The following FAF1 variants were observed in gnomAD, a reference collection of about 807,000 sequenced individuals.
FAF1 encodes FAS-associated factor 1.
A neutral mutation model predicts 92.5 loss-of-function variants in FAF1; 25 were observed. The ratio of observed to expected loss-of-function variants is 0.27; its 90% confidence interval spans 0.20 to 0.38. The LOEUF (loss-of-function observed/expected upper bound fraction) is 0.38, where lower values mean the gene tolerates loss of function less well. FAF1 is among the 10% of genes least tolerant of loss of function. The pLI is 1.00. For missense variants in FAF1, 636 were observed against 793.3 expected (o/e 0.80, Z 2.38); for synonymous variants, 234 against 273.2 (o/e 0.86, Z 1.42).
intron 13 of FAF1, among the ~76,000 whole-genome samples, chr1:50,540,836 G>A (rs112195677): frequency 2.0e-5 from 3 of 152,084 alleles, no homozygotes; most frequent in Non-Finnish European, 4.4e-5. Flanking sequence ...AATAACACAG[G>A]TCACAAAAGG....
At chr1:50,603,446 G>A (rs1008168920) in intron 8 of FAF1, among the ~76,000 whole-genome samples, 1 of 152,156 alleles carries the variant, frequency 6.6e-6, no homozygotes, top group Non-Finnish European at 1.5e-5. Flanking sequence ...ATAGTAAGGA[G>A]TCCTGAAGAT....
At chr1:50,573,185 G>A (rs1219580001) in intron 12 of FAF1, among the ~76,000 whole-genome samples, 3 of 150,860 alleles carry the variant, frequency 2.0e-5, no homozygotes, top group African/African-American at 7.3e-5. Context: ...TGCAAACTCC[G>A]CCTCCTGGGT....
At chr1:50,763,535 C>G (rs1285623069) in intron 4 of FAF1, among the ~76,000 whole-genome samples, 3 of 152,116 alleles carry the variant, frequency 2.0e-5, no homozygotes, top group Non-Finnish European at 2.9e-5. Flanking sequence ...GGGCTCTAAT[C>G]AGACATACAT....
chr1:50,939,111 G>T (rs764828256), intron 1 of FAF1, among the ~76,000 whole-genome samples: 2 of 152,142 alleles, frequency 1.3e-5, no homozygotes, highest in African/African-American at 2.4e-5. Flanking sequence ...AAATAATCTT[G>T]GTAGTTTGAT....
chr1:50,687,259 G>A (rs964626051), intron 7 of FAF1, among the ~76,000 whole-genome samples: 5 of 147,734 alleles, frequency 3.4e-5, no homozygotes, highest in Admixed American at 7.0e-5. Context: ...TTCATATTTA[G>A]TTTCCTTTTT....
At chr1:50,532,843 A>T (rs1045088057) in intron 15 of FAF1, among the ~76,000 whole-genome samples, 2 of 152,092 alleles carry the variant, frequency 1.3e-5, no homozygotes, top group African/African-American at 2.4e-5. Flanking sequence ...ACAGGGTCTC[A>T]CTCTGTCACC....
At chr1:50,689,924 C>T (rs1656843561) in intron 7 of FAF1, among the ~76,000 whole-genome samples, 1 of 151,620 alleles carries the variant, frequency 6.6e-6, no homozygotes, top group Non-Finnish European at 1.5e-5. Flanking sequence ...ACAGACTCTC[C>T]ATGTTTATTA....
chr1:50,646,703 T>C (rs1400500194), intron 8 of FAF1, among the ~76,000 whole-genome samples: 2 of 152,166 alleles, frequency 1.3e-5, no homozygotes, highest in Non-Finnish European at 2.9e-5. Flanking sequence ...TATACTTCAG[T>C]TGTCATTGTT....
At chr1:50,624,405 C>T (rs561220425) in intron 8 of FAF1, among the ~76,000 whole-genome samples, 1 of 152,294 alleles carries the variant, frequency 6.6e-6, no homozygotes, top group Admixed American at 6.5e-5. Flanking sequence ...CCTCGGCCTC[C>T]CAAAGTGCTG....
At chr1:50,645,339 C>T (rs561825436) in intron 8 of FAF1, among the ~76,000 whole-genome samples, 1 of 152,314 alleles carries the variant, frequency 6.6e-6, no homozygotes, top group South Asian at 2.1e-4. Flanking sequence ...AAAGAAGGTG[C>T]TTACTCAAGG....
At chr1:50,844,652 A>G (rs1557555237) in intron 2 of FAF1, among the ~76,000 whole-genome samples, 1 of 151,744 alleles carries the variant, frequency 6.6e-6, no homozygotes, top group East Asian at 1.9e-4. Flanking sequence ...TTCGGGAAAA[A>G]TGAATACAAA....
intron 15 of FAF1, among the ~76,000 whole-genome samples, chr1:50,508,653 A>G (rs1312652055): frequency 6.6e-6 from 1 of 152,204 alleles, no homozygotes; most frequent in Non-Finnish European, 1.5e-5. Context: ...GACAGATGTG[A>G]CAGCTGTACA....
intron 18 of FAF1, among the ~76,000 whole-genome samples, chr1:50,445,715 T>TG (rs1353879713): frequency 2.6e-5 from 4 of 152,178 alleles, no homozygotes; most frequent in African/African-American, 9.7e-5. Flanking sequence ...TGGGACTCCT[T>TG]GGGGGAGAAG....
chr1:50,637,748 T>C (rs937998160), intron 8 of FAF1, among the ~76,000 whole-genome samples: 7 of 151,538 alleles, frequency 4.6e-5, no homozygotes, highest in African/African-American at 7.3e-5. Context: ...TATACACATA[T>C]ATATATAGTA....
At chr1:50,785,450 T>C (rs963671763) in intron 4 of FAF1, among the ~76,000 whole-genome samples, 1 of 151,876 alleles carries the variant, frequency 6.6e-6, no homozygotes, top group Non-Finnish European at 1.5e-5. Flanking sequence ...AAATAACCCA[T>C]TTAAAAAAAT....
intron 1 of FAF1, among the ~76,000 whole-genome samples, chr1:50,924,096 G>A (rs936149097): frequency 6.6e-6 from 1 of 152,040 alleles, no homozygotes; most frequent in African/African-American, 2.4e-5. Context: ...GAAGTAAAAG[G>A]TATCCAAATT....
At chr1:50,935,163 A>C (rs1464243399) in intron 1 of FAF1, among the ~76,000 whole-genome samples, 1 of 152,240 alleles carries the variant, frequency 6.6e-6, no homozygotes, top group East Asian at 1.9e-4. Context: ...GAAATGGTAG[A>C]ATTTCAAAAG....
At chr1:50,941,585 T>G (rs1645133477) in intron 1 of FAF1, among the ~76,000 whole-genome samples, 1 of 152,166 alleles carries the variant, frequency 6.6e-6, no homozygotes, top group Admixed American at 6.5e-5. Context: ...ACTGAATTCC[T>G]GGGCTCAATC....
intron 8 of FAF1, among the ~76,000 whole-genome samples, chr1:50,629,820 A>T (rs1653679643): frequency 6.6e-6 from 1 of 152,128 alleles, no homozygotes. Flanking sequence ...GCACTTTGGG[A>T]GGCCGAGACA....
Sources: gnomAD v4.1 joint callset for allele counts (sites outside exome capture counted in the v4.1 genomes callset) on GRCh38, gnomAD v4.1.1 for gene constraint, MANE v1.5 for transcripts, NCBI Gene and HGNC (gene_info 2026-07-23, HGNC 2026-07-21) for gene names.